The following RIOK3 variants were observed in gnomAD, a reference collection of about 807,000 sequenced individuals.
RIOK3 encodes the protein RIO kinase 3.
Under a neutral mutation model 63.5 loss-of-function variants are expected in RIOK3, and 40 were observed. The observed-to-expected ratio is 0.63, with a 90% CI of 0.49 to 0.82. The LOEUF is 0.82. RIOK3 is among the 40% of genes least tolerant of loss of function. The pLI, the probability that RIOK3 is intolerant of heterozygous loss-of-function variation, is 0.00. For missense variants in RIOK3, 557 were observed against 637.0 expected (o/e 0.87, Z 1.35); for synonymous variants, 193 against 205.0 (o/e 0.94, Z 0.50).
intron 1 of RIOK3, among the ~76,000 whole-genome samples, chr18:23,455,398 CTT>C (rs59013172): frequency 7.8e-5 from 10 of 127,496 alleles, no homozygotes; most frequent in Non-Finnish European, 1.0e-4. Context: ...TTTTCTTTTT[CTT>C]TTTTTTTTTT....
chr18:23,456,554 A>G (rs2057342484), intron 1 of RIOK3: 1 of 152,156 alleles, frequency 6.6e-6, no homozygotes. Context: ...AGAAAAGTGG[A>G]AAAAGAAAAC....
Position 23,464,239 on chromosome 18 carries a change from A to G in RIOK3, c.359A>G (p.His120Arg). Residue 120 changes from histidine to arginine, a missense_variant, in exon 4 of 13, where the codon CAT becomes CGT. This residue lies in a region of RIOK3 where 243 missense variants were observed against 275.4 expected (regional missense o/e 0.88). Transcript: ENST00000339486. ...TCCTTTGAAAATTATCGAAAAGTGC[A>G]TCCTTATGAAGACAGCGATAGCTCT... ...SISFENYRKV[H>R]PYEDSDSSED... The G allele has an allele frequency of 6.2e-7, 1 of 1,614,134 alleles. No homozygotes were observed.
intron 12 of RIOK3, among the ~76,000 whole-genome samples, chr18:23,480,563 A>G (rs1041949665): frequency 1.1e-4 from 14 of 133,310 alleles, no homozygotes; most frequent in Admixed American, 2.3e-4. Context: ...ACGCACACAC[A>G]CACACACACA....
At chr18:23,469,402 C>CT (rs1246188643) in intron 7 of RIOK3, among the ~76,000 whole-genome samples, 66 of 85,966 alleles carry the variant, frequency 7.7e-4, no homozygotes, top group African/African-American at 3.0e-3. Context: ...TCTCCTCTCT[C>CT]CCCTCTCTCC....
chr18:23,453,347 C>A lies in RIOK3; in HGVS notation c.-93C>A. On this transcript the variant is annotated 5_prime_UTR_variant, in exon 1 of 13. Transcript: ENST00000339486. ...GTCACCTCCACTCCGGCATCAGCAGCCAGTCGCCCGTGTCCCGCCTGTCTC... is the reference window on the plus strand; with the variant it reads ...GTCACCTCCACTCCGGCATCAGCAGACAGTCGCCCGTGTCCCGCCTGTCTC... 1 of 1,048,982 alleles carries A rather than the reference C, an allele frequency of 9.5e-7. No homozygotes were observed. The highest frequency in any genetic ancestry group is 1.5e-6 in the Non-Finnish European group (1 of 675,356). The allele number at this position is 1,048,982 out of a possible 1,614,324, so 65.0% of individuals were successfully genotyped here.
At chr18:23,454,013 C>T (rs796742175) in intron 1 of RIOK3, among the ~76,000 whole-genome samples, 10 of 152,282 alleles carry the variant, frequency 6.6e-5, no homozygotes, top group African/African-American at 2.4e-4. Context: ...AATTCAAGTG[C>T]GCACCACGGA....
chr18:23,463,096 A>G lies in RIOK3; in HGVS notation c.179+17A>G, dbSNP rs754948562. The G allele has an allele frequency of 6.7e-7, 1 of 1,493,064 alleles. No homozygotes were observed. Among genetic ancestry groups the G allele is most frequent in the African/African-American group, 1.4e-5 (1 of 71,914 alleles). The allele number at this position is 1,493,064 out of a possible 1,614,324, so 92.5% of individuals were successfully genotyped here. A position where few individuals can be genotyped will look rare whatever the true frequency, so the allele number is the denominator to read the frequency against. ...TGAAGTTGCGTAAGTAAAATTCACAAATACTTTATCTAGCAACTTATAGCA... is the reference window on the plus strand; with the variant it reads ...TGAAGTTGCGTAAGTAAAATTCACAGATACTTTATCTAGCAACTTATAGCA... On this transcript the variant is annotated intron_variant, in intron 2 of 12. Coordinates refer to ENST00000339486, the MANE Select transcript of RIOK3 (RefSeq NM_003831.5).
intron 1 of RIOK3, among the ~76,000 whole-genome samples, chr18:23,460,204 C>G (rs140616497): frequency 6.6e-6 from 1 of 152,384 alleles, no homozygotes; most frequent in East Asian, 1.9e-4. Context: ...CCTCCTACTT[C>G]AGCCTCCTGA....
chr18:23,465,196 AC>A (rs2057398487), intron 5 of RIOK3, among the ~76,000 whole-genome samples: 2 of 151,940 alleles, frequency 1.3e-5, no homozygotes, highest in African/African-American at 4.8e-5. Context: ...ACATGGAAAA[AC>A]CCCATCTCTA....
chr18:23,472,960 T>C (rs2057465587), intron 7 of RIOK3, among the ~76,000 whole-genome samples: 1 of 152,252 alleles, frequency 6.6e-6, no homozygotes, highest in East Asian at 1.9e-4. Context: ...TTCCTATTCA[T>C]GTACTTCTTT....
chr18:23,477,240 T>C lies in RIOK3; in HGVS notation c.1316T>C (p.Leu439Ser). 2 of 1,614,184 alleles carry C rather than the reference T, an allele frequency of 1.2e-6. No individual in the cohort carries two copies. Among genetic ancestry groups the C allele is most frequent in the Non-Finnish European group, 1.7e-6 (2 of 1,179,998 alleles). The change falls in exon 11 of 13, where the codon TTG becomes TCG. Residue 439 changes from leucine to serine, a missense_variant. Physicochemically the swap from Leu to Ser is moderately radical, Grantham distance 145. Coordinates refer to ENST00000339486, the MANE Select transcript of RIOK3 (RefSeq NM_003831.5). Reference protein sequence around the residue: ...EPTHPHGLEFLFRDCRNVSQF... With the variant: ...EPTHPHGLEFSFRDCRNVSQF... The stretch of plus-strand genomic sequence containing the variant: ...ACCCACCCTCACGGCCTGGAGTTCT[T>C]GTTCCGGGACTGCAGGAATGTCTCG...
At chr18:23,479,067 A>G (rs1003422297) in intron 11 of RIOK3, 19 of 345,768 alleles carry the variant, frequency 5.5e-5, no homozygotes, top group African/African-American at 3.9e-4. Context: ...TGGCCTCCCA[A>G]AGTGTTGGGA....
rs146145441 is a variant in RIOK3 at position 23,463,567 on chromosome 18, G to A, written c.180-400G>A. Among the ~76,000 whole-genome samples the A allele has an allele frequency of 1.6e-3, 242 of 152,004 alleles. 1 individual carries two copies. The highest frequency in any genetic ancestry group is 2.7e-3 in the Non-Finnish European group (186 of 67,972). ...TGGGATTACAGGCATGTGCTGCCAC[G>A]TCCGGCTAATTTTGTATTTTTAGTA... On this transcript the variant is annotated intron_variant, in intron 2 of 12. Transcript: ENST00000339486.
chr18:23,482,174 A>G lies in RIOK3; in HGVS notation c.*895A>G, dbSNP rs558004310. 1 of 152,310 alleles carries G rather than the reference A, an allele frequency of 6.6e-6. No homozygotes were observed. The highest frequency in any genetic ancestry group is 2.1e-4 in the South Asian group (1 of 4,830). 9.4% of individuals were successfully genotyped at this position (152,310 alleles called of 1,614,324 possible). A position where few individuals can be genotyped will look rare whatever the true frequency, so the allele number is the denominator to read the frequency against. On this transcript the variant is annotated 3_prime_UTR_variant, in exon 13 of 13. Coordinates refer to ENST00000339486, the MANE Select transcript of RIOK3 (RefSeq NM_003831.5). ...CTTGATTGATTTTCAGAGAAATATC[A>G]CAAATTAGAAATATTAAATCTAAGG... is the stretch of plus-strand genomic sequence containing the variant.
At chr18:23,469,340 CCT>C (rs1568384348) in intron 7 of RIOK3, among the ~76,000 whole-genome samples, 1 of 9,088 alleles carries the variant, frequency 1.1e-4, no homozygotes, top group African/African-American at 5.7e-4. Flanking sequence ...TCTCTCTCCC[CCT>C]CTCTCCCCCT....
chr18:23,462,923 C>A, intron 1 of RIOK3, 41 bp from the exon 2 acceptor site: 1 of 889,108 alleles, frequency 1.1e-6, no homozygotes, highest in Non-Finnish European at 1.7e-6. Flanking sequence ...TACTTTATTT[C>A]ATTATGATGA....
Position 23,453,342 on chromosome 18 carries a change from A to T in RIOK3, c.-98A>T. The T allele has an allele frequency of 9.9e-7, 1 of 1,006,468 alleles. No individual in the cohort carries two copies. Among genetic ancestry groups the T allele is most frequent in the Non-Finnish European group, 1.6e-6 (1 of 637,710 alleles). The allele number at this position is 1,006,468 out of a possible 1,614,324, so 62.3% of individuals were successfully genotyped here. A position where few individuals can be genotyped will look rare whatever the true frequency, so the allele number is the denominator to read the frequency against. ...CATCTGTCACCTCCACTCCGGCATC[A>T]GCAGCCAGTCGCCCGTGTCCCGCCT... On this transcript the variant is annotated 5_prime_UTR_variant, in exon 1 of 13. Coordinates refer to ENST00000339486, the MANE Select transcript of RIOK3 (RefSeq NM_003831.5).
chr18:23,453,952 T>C (rs2057321698), intron 1 of RIOK3, among the ~76,000 whole-genome samples: 1 of 152,198 alleles, frequency 6.6e-6, no homozygotes, highest in African/African-American at 2.4e-5. Flanking sequence ...TGTCTTGTTT[T>C]TGAAGCAGTA....
intron 1 of RIOK3, among the ~76,000 whole-genome samples, chr18:23,453,733 T>C (rs2145661909): frequency 6.6e-6 from 1 of 152,364 alleles, no homozygotes; most frequent in Middle Eastern, 3.4e-3. Flanking sequence ...GTTAGGGCTC[T>C]CTATTTCTTC....
Sources: allele counts gnomAD v4.1 joint callset (sites outside exome capture counted in the v4.1 genomes callset), GRCh38; gene constraint gnomAD v4.1.1; regional missense constraint gnomAD v4.1.1; transcripts MANE v1.5; gene names NCBI Gene and HGNC (gene_info 2026-07-23, HGNC 2026-07-21).